UBR3: variants seen among roughly 807,000 people sequenced by gnomAD.
UBR3 encodes E3 ubiquitin-protein ligase UBR3.
UBR3 carries 85 observed loss-of-function variants against 243.2 expected under a neutral mutation model. The ratio of observed to expected loss-of-function variants is 0.35; its 90% CI spans 0.29 to 0.42. The LOEUF (loss-of-function observed/expected upper bound fraction) is 0.42, where lower values mean the gene tolerates loss of function less well. Among genes scored for constraint, UBR3 ranks in the 10% least tolerant of loss-of-function variants. The pLI is 1.00. For synonymous variants in UBR3, 748 were observed against 799.8 expected, an observed-to-expected ratio of 0.94 and a Z score of 1.09; for missense variants, 1,686 against 2,300.8, an observed-to-expected ratio of 0.73 and a Z score of 5.47.
chr2:170,063,100 C>T (rs904555221), intron 35 of UBR3, among the ~76,000 whole-genome samples: 3 of 151,874 alleles, frequency 2.0e-5, no homozygotes, highest in Non-Finnish European at 4.4e-5. Flanking sequence ...CAGATGGGAA[C>T]AGAATAGACC....
chr2:170,075,556 T>G (rs2091789692), intron 36 of UBR3, among the ~76,000 whole-genome samples: 1 of 152,182 alleles, frequency 6.6e-6, no homozygotes, highest in Non-Finnish European at 1.5e-5. Context: ...GTAGAGGCAG[T>G]GTAGTAGACA....
intron 35 of UBR3, among the ~76,000 whole-genome samples, chr2:170,064,101 A>G (rs886416059): frequency 2.0e-5 from 3 of 152,226 alleles, no homozygotes; most frequent in African/African-American, 7.2e-5. Context: ...CTCTAATTAT[A>G]AATGCAATTT....
At chr2:169,861,376 G>C (rs62170273) in intron 1 of UBR3, among the ~76,000 whole-genome samples, 9,947 of 152,272 alleles carry the variant, frequency 0.065, 344 homozygotes, top group Non-Finnish European at 0.084. Context: ...CTGGGAGGCC[G>C]AGGCGGGTGG....
Position 169,958,787 on chromosome 2 carries a change from G to A in UBR3, c.3634+261G>A, listed in dbSNP as rs547299429. Among the ~76,000 whole-genome samples, 35 of 152,032 alleles carry A rather than the reference G, an allele frequency of 2.3e-4. 1 individual carries two copies. The highest frequency in any genetic ancestry group is 2.2e-3 in the Admixed American group (34 of 15,248). ...CTCCTTTTGTTCTCTTCTGTTAAAC[G>A]GTCTTTAGATTTGTGAGATCCATCA... is the stretch of plus-strand genomic sequence containing the variant. On this transcript the variant is annotated intron_variant, in intron 24 of 38. Transcript: ENST00000272793.
chr2:169,905,405 C>T (rs1283187489), intron 9 of UBR3, 112 bp downstream of exon 9: 17 of 730,816 alleles, frequency 2.3e-5, no homozygotes, highest in Non-Finnish European at 3.3e-5. Context: ...CATGAAATAG[C>T]TCATTATTTT....
intron 1 of UBR3, among the ~76,000 whole-genome samples, chr2:169,845,988 CTT>C (rs1452632037): frequency 1.3e-5 from 2 of 152,116 alleles, no homozygotes; most frequent in South Asian, 2.1e-4. Context: ...TGTCGTCTCT[CTT>C]GGTGAATGTT....
At chr2:169,890,593 G>GTATATATATATATATGTA (rs72493218) in intron 5 of UBR3, among the ~76,000 whole-genome samples, 1 of 76,162 alleles carries the variant, frequency 1.3e-5, no homozygotes, top group African/African-American at 4.9e-5. Context: ...ATATATATAT[G>GTATATATATATATATGTA]TATATATATG....
At chr2:169,912,192 G>A (rs1319805090) in intron 10 of UBR3, among the ~76,000 whole-genome samples, 1 of 147,364 alleles carries the variant, frequency 6.8e-6, no homozygotes, top group Non-Finnish European at 1.5e-5. Flanking sequence ...TATACGTGAT[G>A]CCCCAAAATA....
chr2:169,841,762 C>T (rs2082299158), intron 1 of UBR3, among the ~76,000 whole-genome samples: 1 of 152,240 alleles, frequency 6.6e-6, no homozygotes, highest in African/African-American at 2.4e-5. Flanking sequence ...GCCTTGGCTG[C>T]CTTCCCGCGG....
At chr2:169,828,149 A>G (rs2081805304) in intron 1 of UBR3, 97 bp downstream of exon 1, 7 of 990,772 alleles carry the variant, frequency 7.1e-6, no homozygotes, top group Admixed American at 6.8e-5. Context: ...TGAGCTGTCA[A>G]GGGGAGGGTG....
At position 169,900,548 on chromosome 2, in the gene UBR3, T is replaced by C. The variant is rs144863223; in HGVS notation, c.1465+3813T>C. Among the ~76,000 whole-genome samples the C allele has an allele frequency of 7.5e-3, 1,147 of 152,338 alleles. 7 individuals carry two copies. Among genetic ancestry groups the C allele is most frequent in the Non-Finnish European group, 0.013 (860 of 68,036 alleles). On this transcript the variant is annotated intron_variant, in intron 8 of 38. Transcript: ENST00000272793. ...TTTGTTGCCATTGCTTTTGGTGTTT[T>C]AGTCATGCAGTCTTTGCGGCAAAAT...
At chr2:169,886,585 A>G (rs985855355) in intron 5 of UBR3, among the ~76,000 whole-genome samples, 1 of 152,296 alleles carries the variant, frequency 6.6e-6, no homozygotes, top group African/African-American at 2.4e-5. Context: ...TTCACTGTCT[A>G]GTAAACTCAT....
At chr2:169,871,576 C>T (rs745856011) in intron 1 of UBR3, among the ~76,000 whole-genome samples, 52 of 151,604 alleles carry the variant, frequency 3.4e-4, no homozygotes, top group Non-Finnish European at 6.9e-4. Flanking sequence ...GGTGAAACCT[C>T]GTTTCTACTA....
chr2:170,064,853 A>AT (rs2091526912), intron 35 of UBR3, among the ~76,000 whole-genome samples: 1 of 20,736 alleles, frequency 4.8e-5, no homozygotes, highest in South Asian at 1.1e-3. Flanking sequence ...ATTCTTTTTT[A>AT]TTTTTTTGAG....
intron 33 of UBR3, among the ~76,000 whole-genome samples, chr2:170,056,717 T>C (rs2091344924): frequency 6.6e-6 from 1 of 152,226 alleles, no homozygotes; most frequent in Non-Finnish European, 1.5e-5. Context: ...ATACATGAAA[T>C]GTATTCAATA....
chr2:170,027,434 T>A (rs993271899), intron 30 of UBR3, among the ~76,000 whole-genome samples: 1 of 151,688 alleles, frequency 6.6e-6, no homozygotes, highest in African/African-American at 2.4e-5. Context: ...TCTACTAACA[T>A]TTTGAAAGTC....
rs116221715 is a variant in UBR3 at position 169,983,038 on chromosome 2, G to A, written c.3635-3607G>A. Among the ~76,000 whole-genome samples, 440 of 152,210 alleles carry A rather than the reference G, an allele frequency of 2.9e-3. 2 individuals are homozygous for A. Among genetic ancestry groups the A allele is most frequent in the African/African-American group, 1.0e-2 (415 of 41,532 alleles). On this transcript the variant is annotated intron_variant, in intron 24 of 38. Coordinates refer to ENST00000272793, the MANE Select transcript of UBR3 (RefSeq NM_172070.4). ...CATTTGGTCTCTCCTCCTCTGGCAA[G>A]GTAGCCCACCTTGACTTATTCTCAT... is the stretch of plus-strand genomic sequence containing the variant.
intron 36 of UBR3, among the ~76,000 whole-genome samples, chr2:170,078,616 T>G (rs1226173745): frequency 6.6e-6 from 1 of 152,236 alleles, no homozygotes; most frequent in Non-Finnish European, 1.5e-5. Flanking sequence ...AAAATCAGTT[T>G]TGTAGTTCAT....
intron 1 of UBR3, among the ~76,000 whole-genome samples, chr2:169,852,847 T>C (rs2082702039): frequency 2.0e-5 from 1 of 49,140 alleles, no homozygotes; most frequent in Non-Finnish European, 3.2e-5. Flanking sequence ...TGAGACTTCA[T>C]CTCAAAAAAA....
Sources: allele counts gnomAD v4.1 joint callset (sites outside exome capture counted in the v4.1 genomes callset), GRCh38; gene constraint gnomAD v4.1.1; transcripts MANE v1.5; gene names NCBI Gene and HGNC (gene_info 2026-07-23, HGNC 2026-07-21).